ZNF143: variants seen among roughly 807,000 people sequenced by gnomAD.
ZNF143 encodes the protein SPH-binding factor.
ZNF143 carries 49 observed loss-of-function variants against 74.1 expected under a neutral mutation model. The ratio of observed to expected loss-of-function variants is 0.66; its 90% CI spans 0.53 to 0.84. The LOEUF (loss-of-function observed/expected upper bound fraction) is 0.84. ZNF143 is among the 40% of genes least tolerant of loss of function. ZNF143 has a pLI of 0.00. For synonymous variants in ZNF143, 304 were observed against 282.8 expected (o/e 1.07, Z -0.75); for missense variants, 637 against 793.4 (o/e 0.80, Z 2.37).
In ZNF143 at chr11:9,477,971, G is replaced by C. The variant is rs370880507; in HGVS notation, c.374-419G>C. Reference sequence around the variant, plus strand: ...CTCCCCAGTAGCTGGGAATACAGGCGCGTGCCACCGTGCCCTGCTAAGTTT... The same window carrying C: ...CTCCCCAGTAGCTGGGAATACAGGCCCGTGCCACCGTGCCCTGCTAAGTTT... On this transcript the variant is annotated intron_variant, in intron 5 of 15. Coordinates refer to ENST00000396602, the MANE Select transcript of ZNF143 (RefSeq NM_003442.6). 2.0e-5 allele frequency among the ~76,000 whole-genome samples: 3 copies of C among 152,216 alleles called. No homozygotes were observed. In the East Asian group the frequency reaches 5.8e-4, roughly 29 times the overall value.
chr11:9,517,846 C>T (rs778652526), intron 14 of ZNF143, among the ~76,000 whole-genome samples: 17 of 152,028 alleles, frequency 1.1e-4, no homozygotes, highest in Non-Finnish European at 1.9e-4. Flanking sequence ...GGACTGTATT[C>T]AAAATGTACT....
At chr11:9,511,273 G>A (rs1040525797) in intron 12 of ZNF143, among the ~76,000 whole-genome samples, 11 of 150,654 alleles carry the variant, frequency 7.3e-5, no homozygotes, top group South Asian at 2.1e-4. Context: ...CACCAGGCCC[G>A]CCTAATTTTG....
At chr11:9,520,426 G>A (rs1848880198) in intron 14 of ZNF143, among the ~76,000 whole-genome samples, 2 of 151,226 alleles carry the variant, frequency 1.3e-5, no homozygotes, top group African/African-American at 4.9e-5. Context: ...TAGCCCAGGA[G>A]GTTGAGGCTT....
At chr11:9,461,681 T>C (rs1200799348) in intron 1 of ZNF143, 3 of 152,122 alleles carry the variant, frequency 2.0e-5, no homozygotes, top group Non-Finnish European at 4.4e-5. Flanking sequence ...CATCGGATAT[T>C]AGAAATTTAC....
chr11:9,480,885 CAA>C (rs34087710), intron 7 of ZNF143, among the ~76,000 whole-genome samples: 2,646 of 104,994 alleles, frequency 0.025, 67 homozygotes, highest in African/African-American at 0.08. Flanking sequence ...GAAACTGTCT[CAA>C]AAAAAAAAAA....
intron 5 of ZNF143, among the ~76,000 whole-genome samples, chr11:9,477,561 TTTTC>T (rs2133908005): frequency 6.6e-6 from 1 of 152,238 alleles, no homozygotes; most frequent in East Asian, 1.9e-4. Flanking sequence ...GGCCGCACTT[TTTTC>T]TTTATCAATA....
intron 7 of ZNF143, among the ~76,000 whole-genome samples, chr11:9,484,793 G>T: frequency 3.8e-5 from 1 of 26,484 alleles, no homozygotes; most frequent in Non-Finnish European, 7.8e-5. Flanking sequence ...ACCGCACCTG[G>T]CCAAAGATTT....
intron 7 of ZNF143, among the ~76,000 whole-genome samples, chr11:9,491,067 A>C (rs1847755188): frequency 6.6e-6 from 1 of 152,106 alleles, no homozygotes; most frequent in African/African-American, 2.4e-5. Flanking sequence ...TTTGATTCCC[A>C]TTTCTTATAG....
Position 9,501,148 on chromosome 11 carries a change from A to G in ZNF143, c.1025A>G (p.Asn342Ser). The G allele has an allele frequency of 6.2e-7, 1 of 1,614,198 alleles. No individual in the cohort carries two copies. The highest frequency in any genetic ancestry group is 8.5e-7 in the Non-Finnish European group (1 of 1,180,036). The change falls in exon 11 of 16, where the codon AAT (asparagine) becomes AGT (serine). Residue 342 changes from asparagine (N) to serine (S), a missense_variant. Around this residue, in one of 2 missense-constraint regions of ZNF143, gnomAD observed 344 missense variants for 485.6 expected, o/e 0.71. Coordinates refer to ENST00000396602, the MANE Select transcript of ZNF143 (RefSeq NM_003442.6). The stretch of plus-strand genomic sequence containing the variant: ...TGCGGTCGGTCCTTTACAACATCAA[A>G]TATCAGAAAAGTGCACGTTAGGACA... ...EGCGRSFTTS[N>S]IRKVHVRTHT...
In ZNF143 at chr11:9,521,204, C is replaced by T. The variant is rs528645340; in HGVS notation, c.1687-4036C>T. Among the ~76,000 whole-genome samples, 3 of 152,278 alleles carry T rather than the reference C, an allele frequency of 2.0e-5. No homozygotes were observed. The South Asian group carries it at 6.2e-4, about 32-fold the overall frequency. ...GGATTCACTGTTAGTGTTGTACATT[C>T]TATGGGTTTGGACAAACGTATGATG... On this transcript the variant is annotated intron_variant, in intron 14 of 15. Coordinates refer to ENST00000396602, the MANE Select transcript of ZNF143 (RefSeq NM_003442.6).
At chr11:9,524,026 C>T (rs1267413233) in intron 14 of ZNF143, among the ~76,000 whole-genome samples, 3 of 135,404 alleles carry the variant, frequency 2.2e-5, no homozygotes, top group African/African-American at 5.6e-5. Context: ...CCAGCTTGGG[C>T]GACAGAGCGA....
intron 13 of ZNF143, among the ~76,000 whole-genome samples, chr11:9,513,565 TACTGAGAAACCCCCA>T (rs57260560): frequency 0.013 from 1,945 of 152,326 alleles, 41 homozygotes; most frequent in African/African-American, 0.044. Flanking sequence ...AAATAGCCAC[TACTGAGAAACCCCCA>T]GTGATTAGGC....
chr11:9,496,406 T>G (rs1565047583), intron 9 of ZNF143, 28 bp downstream of exon 9: 5 of 1,605,328 alleles, frequency 3.1e-6, no homozygotes, highest in Non-Finnish European at 3.4e-6. Context: ...GTTTTTTTCT[T>G]GGTTCCAATT....
chr11:9,466,882 T>A (rs971338976), intron 1 of ZNF143, among the ~76,000 whole-genome samples: 8 of 151,604 alleles, frequency 5.3e-5, no homozygotes, highest in African/African-American at 1.7e-4. Flanking sequence ...ATACTCTGGT[T>A]TTTTTTTGTG....
At chr11:9,471,230 A>T in intron 1 of ZNF143, 72 bp from the exon 2 acceptor site, 1 of 1,294,776 alleles carries the variant, frequency 7.7e-7, no homozygotes, top group Admixed American at 2.3e-5. Flanking sequence ...TTTGTGGTTC[A>T]TAAATATTCT....
At chr11:9,478,837 A>G (rs768058988) in intron 6 of ZNF143, among the ~76,000 whole-genome samples, 1 of 152,126 alleles carries the variant, frequency 6.6e-6, no homozygotes, top group Non-Finnish European at 1.5e-5. Flanking sequence ...AGTCAAAATC[A>G]GTTAGTATCA....
chr11:9,465,305 G>A (rs1174757012), intron 1 of ZNF143, among the ~76,000 whole-genome samples: 3 of 152,022 alleles, frequency 2.0e-5, no homozygotes, highest in South Asian at 2.1e-4. Flanking sequence ...CCCTGCCTCA[G>A]CCTCCCAAGT....
At chr11:9,465,094 T>G (rs1856116105) in intron 1 of ZNF143, among the ~76,000 whole-genome samples, 1 of 152,286 alleles carries the variant, frequency 6.6e-6, no homozygotes, top group Admixed American at 6.5e-5. Context: ...TGTAAAAATT[T>G]TGTATGTATG....
chr11:9,520,101 A>G (rs948642544), intron 14 of ZNF143, among the ~76,000 whole-genome samples: 6 of 138,002 alleles, frequency 4.3e-5, no homozygotes, highest in Admixed American at 3.2e-4. Flanking sequence ...CAGTGGCCCA[A>G]TCTCGGCTCA....
Sources: allele counts gnomAD v4.1 joint callset (sites outside exome capture counted in the v4.1 genomes callset), GRCh38; gene constraint gnomAD v4.1.1; regional missense constraint gnomAD v4.1.1; transcripts MANE v1.5; gene names NCBI Gene and HGNC (gene_info 2026-07-23, HGNC 2026-07-21).